The following ACOXL variants were observed in gnomAD, a reference collection of about 807,000 sequenced individuals.
ACOXL encodes acyl-CoA oxidase like.
A neutral mutation model predicts 71.9 loss-of-function variants in ACOXL; 70 were observed. That is an observed-to-expected ratio of 0.97 (90% CI 0.80 to 1.19). ACOXL has a LOEUF of 1.19. ACOXL is among the 50% of genes most tolerant of loss of function. The pLI is 0.00. For missense variants in ACOXL, 703 were observed against 736.3 expected (o/e 0.95, Z 0.52); for synonymous variants, 253 against 281.6 (o/e 0.90, Z 1.02).
chr2:110,859,090 G>A (rs1006905999), intron 10 of ACOXL, among the ~76,000 whole-genome samples: 3 of 152,222 alleles, frequency 2.0e-5, no homozygotes, highest in Admixed American at 2.0e-4. Context: ...CGTTCAACCT[G>A]AGCTGATTTT....
At chr2:110,846,809 G>A (rs1403449987) in intron 10 of ACOXL, among the ~76,000 whole-genome samples, 2 of 151,900 alleles carry the variant, frequency 1.3e-5, no homozygotes. Context: ...ATGTGTTTGT[G>A]TGTGTCTTCA....
intron 9 of ACOXL, among the ~76,000 whole-genome samples, chr2:110,833,978 C>T (rs1690154401): frequency 6.6e-6 from 1 of 152,144 alleles, no homozygotes; most frequent in African/African-American, 2.4e-5. Context: ...GAGATGAGGT[C>T]TCTGAGCTGC....
intron 17 of ACOXL, among the ~76,000 whole-genome samples, chr2:111,096,550 C>G (rs1483497362): frequency 1.3e-5 from 2 of 152,074 alleles, no homozygotes; most frequent in Non-Finnish European, 2.9e-5. Flanking sequence ...ATGCATGTCA[C>G]TTTTTCGTTT....
chr2:110,741,772 T>C (rs1321571430), intron 1 of ACOXL, among the ~76,000 whole-genome samples: 2 of 151,904 alleles, frequency 1.3e-5, no homozygotes, highest in African/African-American at 4.8e-5. Flanking sequence ...CCTAAGGAAT[T>C]TGGTTTAACC....
chr2:110,807,237 A>G (rs1405478888), intron 9 of ACOXL, among the ~76,000 whole-genome samples: 1 of 152,228 alleles, frequency 6.6e-6, no homozygotes, highest in East Asian at 1.9e-4. Flanking sequence ...AACAGGCCAT[A>G]GCGCTCTCTA....
chr2:110,817,916 G>A (rs938840755), intron 9 of ACOXL, among the ~76,000 whole-genome samples: 10 of 147,400 alleles, frequency 6.8e-5, no homozygotes, highest in South Asian at 2.1e-4. Flanking sequence ...TCTATTTGCC[G>A]TCTCGTCCAA....
At chr2:110,899,198 C>T (rs2059132615) in intron 10 of ACOXL, among the ~76,000 whole-genome samples, 1 of 152,212 alleles carries the variant, frequency 6.6e-6, no homozygotes, top group Admixed American at 6.5e-5. Context: ...GAAGTGGAGG[C>T]TTCAGCTCTT....
chr2:111,074,483 T>G (rs2067499649), intron 16 of ACOXL, among the ~76,000 whole-genome samples: 1 of 152,194 alleles, frequency 6.6e-6, no homozygotes, highest in South Asian at 2.1e-4. Flanking sequence ...CCTAAGAGAT[T>G]TTTTTAAATC....
At chr2:110,944,855 TATAACCA>T (rs1305549536) in intron 12 of ACOXL, among the ~76,000 whole-genome samples, 1 of 152,232 alleles carries the variant, frequency 6.6e-6, no homozygotes, top group African/African-American at 2.4e-5. Context: ...TATTTGGACA[TATAACCA>T]ATAATGAGAT....
intron 17 of ACOXL, chr2:111,099,066 G>A (rs1444655365): frequency 6.6e-6 from 1 of 152,178 alleles, no homozygotes; most frequent in Middle Eastern, 3.2e-3. Context: ...ATGGAGGTGG[G>A]TTAAGCTCCA....
intron 10 of ACOXL, among the ~76,000 whole-genome samples, chr2:110,848,336 A>T (rs1239512141): frequency 2.6e-5 from 4 of 152,248 alleles, no homozygotes; most frequent in Admixed American, 2.6e-4. Flanking sequence ...GGCTCCAACC[A>T]GATATACACA....
Position 110,964,084 on chromosome 2 carries a change from C to T in ACOXL, c.1060-23024C>T, listed in dbSNP as rs111769252. Among the ~76,000 whole-genome samples the T allele has an allele frequency of 5.1e-3, 779 of 152,240 alleles. 8 individuals carry two copies. Among genetic ancestry groups the T allele is most frequent in the African/African-American group, 0.017 (725 of 41,544 alleles). Reference sequence around the variant, plus strand: ...TCAAGGAAATGCATATTAGACTATTCGGCAATACTCTTTTCCTTTCTCAAT... The same window carrying T: ...TCAAGGAAATGCATATTAGACTATTTGGCAATACTCTTTTCCTTTCTCAAT... On this transcript the variant is annotated intron_variant, in intron 12 of 17. Transcript: ENST00000439055.
intron 1 of ACOXL, among the ~76,000 whole-genome samples, chr2:110,734,082 A>G (rs1328626855): frequency 6.6e-6 from 1 of 152,056 alleles, no homozygotes; most frequent in East Asian, 1.9e-4. Flanking sequence ...GTAAAAATAT[A>G]GAACGATGCT....
At chr2:111,030,731 CAAAA>C (rs77990030) in intron 14 of ACOXL, among the ~76,000 whole-genome samples, 1 of 146,148 alleles carries the variant, frequency 6.8e-6, no homozygotes, top group African/African-American at 2.5e-5. Context: ...TCCTTGAGCA[CAAAA>C]AAAAAAATGC....
intron 3 of ACOXL, 100 bp downstream of exon 3, chr2:110,784,915 G>T: frequency 9.5e-7 from 1 of 1,048,558 alleles, no homozygotes; most frequent in Non-Finnish European, 1.3e-6. Flanking sequence ...TCTATGTAGT[G>T]GCACAGGTGT....
At chr2:110,744,187 C>T (rs1190228568) in intron 1 of ACOXL, among the ~76,000 whole-genome samples, 1 of 151,472 alleles carries the variant, frequency 6.6e-6, no homozygotes, top group South Asian at 2.1e-4. Context: ...CACTATTCAG[C>T]GAAGTGCATT....
At chr2:110,736,824 G>A (rs191960725) in intron 1 of ACOXL, among the ~76,000 whole-genome samples, 59 of 152,200 alleles carry the variant, frequency 3.9e-4, no homozygotes, top group African/African-American at 1.3e-3. Context: ...GTTTCATCAC[G>A]TTAGCCAGGA....
Position 111,027,227 on chromosome 2 carries a change from G to T in ACOXL, c.1282-4400G>T, listed in dbSNP as rs535433180. On this transcript the variant is annotated intron_variant, in intron 14 of 17. Transcript: ENST00000439055. ...TGTTTTAAACCCTTCTTATATAGGG[G>T]TCTTATCTTTGTAAAGGCTAAGCTA... Among the ~76,000 whole-genome samples the T allele has an allele frequency of 4.1e-4, 62 of 151,710 alleles. 2 individuals carry two copies. The South Asian group carries it at 9.0e-3, about 22-fold the overall frequency.
chr2:111,006,401 G>A (rs2063875322), intron 14 of ACOXL, among the ~76,000 whole-genome samples: 2 of 152,192 alleles, frequency 1.3e-5, no homozygotes, highest in African/African-American at 4.8e-5. Flanking sequence ...GATAGCTGAC[G>A]ATCTGGGGAG....
Sources: allele counts gnomAD v4.1 joint callset (sites outside exome capture counted in the v4.1 genomes callset), GRCh38; gene constraint gnomAD v4.1.1; transcripts MANE v1.5; gene names NCBI Gene and HGNC (gene_info 2026-07-23, HGNC 2026-07-21).